GBE1: variants seen among roughly 807,000 people sequenced by gnomAD.
GBE1 encodes the protein 1,4-alpha-glucan-branching enzyme.
GBE1 carries 70 observed loss-of-function variants against 88.8 expected under a neutral mutation model. The ratio of observed to expected loss-of-function variants is 0.79; its 90% CI spans 0.65 to 0.96. The LOEUF is 0.96. GBE1 is among the 40% of genes least tolerant of loss of function. The pLI, the probability that GBE1 is intolerant of heterozygous loss-of-function variation, is 0.00. For synonymous variants in GBE1, 284 were observed against 300.1 expected, an observed-to-expected ratio of 0.95 and a Z score of 0.56; for missense variants, 872 against 871.0, an observed-to-expected ratio of 1.00 and a Z score of -0.01.
chr3:81,759,612 C>T (rs1397981157), intron 1 of GBE1, among the ~76,000 whole-genome samples: 2 of 152,218 alleles, frequency 1.3e-5, no homozygotes, highest in Admixed American at 1.3e-4. Context: ...GGCCATTACT[C>T]AGAACCAAGG....
intron 1 of GBE1, among the ~76,000 whole-genome samples, chr3:81,740,526 C>T (rs533767981): frequency 5.3e-5 from 8 of 152,082 alleles, no homozygotes; most frequent in South Asian, 2.1e-4. Context: ...TTCTCATAAA[C>T]GCAGTACGGA....
chr3:81,536,936 CTT>C lies in GBE1; in HGVS notation c.1776_1777del (p.Arg593IlefsTer13), dbSNP rs1162096868. ...CTGTGGAGCTGCAAGCCAACCATAT[CTT>C]TCTTCCAATCTATTCATATCCCTGT... On this transcript the variant is annotated frameshift_variant, in exon 13 of 16. Transcript: ENST00000429644. LOFTEE classifies it high-confidence loss of function. 26 of 1,583,868 alleles carry C rather than the reference CTT, an allele frequency of 1.6e-5. No individual in the cohort carries two copies. The highest frequency in any genetic ancestry group is 2.2e-5 in the Non-Finnish European group (26 of 1,167,360).
intron 7 of GBE1, among the ~76,000 whole-genome samples, chr3:81,637,433 G>C (rs902285250): frequency 2.0e-5 from 3 of 152,098 alleles, no homozygotes; most frequent in Admixed American, 6.6e-5. Flanking sequence ...TGAAAGGAGT[G>C]ATTTTTTTAA....
At chr3:81,571,914 C>A (rs1030314635) in intron 12 of GBE1, among the ~76,000 whole-genome samples, 1 of 152,116 alleles carries the variant, frequency 6.6e-6, no homozygotes, top group African/African-American at 2.4e-5. Flanking sequence ...TAAAAAAATT[C>A]TTAAAGTTAG....
intron 3 of GBE1, among the ~76,000 whole-genome samples, chr3:81,659,626 G>A (rs1704994596): frequency 6.6e-6 from 1 of 151,272 alleles, no homozygotes; most frequent in Admixed American, 6.6e-5. Flanking sequence ...GTGATGACAG[G>A]TATGAGCCAC....
intron 14 of GBE1, among the ~76,000 whole-genome samples, chr3:81,526,618 C>T (rs1039992645): frequency 1.3e-5 from 2 of 152,050 alleles, no homozygotes; most frequent in African/African-American, 4.8e-5. Flanking sequence ...CTCCCATTCA[C>T]AATTGCTTCA....
chr3:81,702,098 AGAGAGTGTGTGTGTGTGT>A (rs1465793849), intron 2 of GBE1, among the ~76,000 whole-genome samples: 531 of 40,786 alleles, frequency 0.013, 5 homozygotes, highest in African/African-American at 0.049. Context: ...AGAGAGAGAG[AGAGAGTGTGTGTGTGTGT>A]GTGTGTGTGT....
intron 14 of GBE1, among the ~76,000 whole-genome samples, chr3:81,519,361 A>G (rs1702842090): frequency 6.6e-6 from 1 of 151,550 alleles, no homozygotes; most frequent in South Asian, 2.1e-4. Flanking sequence ...CTAGATTCAC[A>G]TATTCTTCAC....
intron 3 of GBE1, among the ~76,000 whole-genome samples, chr3:81,670,419 T>A (rs1404183613): frequency 1.3e-5 from 2 of 152,124 alleles, no homozygotes; most frequent in Non-Finnish European, 2.9e-5. Flanking sequence ...CCAAAATGCA[T>A]GCGCGTCCAA....
chr3:81,598,526 A>C (rs1703988716), intron 7 of GBE1, among the ~76,000 whole-genome samples: 1 of 152,002 alleles, frequency 6.6e-6, no homozygotes, highest in Non-Finnish European at 1.5e-5. Context: ...TAAAAGAATT[A>C]ATCAATTTTA....
intron 11 of GBE1, among the ~76,000 whole-genome samples, chr3:81,578,547 TATA>T (rs1300527131): frequency 1.1e-4 from 16 of 151,416 alleles, no homozygotes; most frequent in African/African-American, 3.6e-4. Flanking sequence ...ATATGAGTAA[TATA>T]ATATGTGTAT....
Position 81,626,904 on chromosome 3 carries a change from T to C in GBE1, c.992+15877A>G, listed in dbSNP as rs1704425652. Among the ~76,000 whole-genome samples, 2 of 152,188 alleles carry C rather than the reference T, an allele frequency of 1.3e-5. 1 individual carries two copies. The highest frequency in any genetic ancestry group is 2.9e-5 in the Non-Finnish European group (2 of 68,026). On this transcript the variant is annotated intron_variant, in intron 7 of 15. Transcript: ENST00000429644. ...TTCTAAAGAAATGTGCTGAATTTGA[T>C]TTAATTTGGGGTTTTCCAAGTGCAT...
chr3:81,663,240 C>T (rs972132770), intron 3 of GBE1, among the ~76,000 whole-genome samples: 1 of 152,130 alleles, frequency 6.6e-6, no homozygotes, highest in Non-Finnish European at 1.5e-5. Flanking sequence ...CACCCTGGCC[C>T]GCCAGGAACC....
intron 1 of GBE1, among the ~76,000 whole-genome samples, chr3:81,727,504 G>T (rs952925620): frequency 6.6e-6 from 1 of 152,178 alleles, no homozygotes; most frequent in Non-Finnish European, 1.5e-5. Flanking sequence ...AGGCACAAGT[G>T]CAGATTCTTA....
rs763936251 is a variant in GBE1 at position 81,670,966 on chromosome 3, A to T, written c.314-13T>A. On this transcript the variant is annotated splice_polypyrimidine_tract_variant and intron_variant, in intron 2 of 15. Coordinates refer to ENST00000429644, the MANE Select transcript of GBE1 (RefSeq NM_000158.4). Reference sequence around the variant, plus strand: ...GGATTCCAACCATCTAAAAAAATGAAGAAGATCAGTTAACAACAGCATGAT... The same window carrying T: ...GGATTCCAACCATCTAAAAAAATGATGAAGATCAGTTAACAACAGCATGAT... 2 of 1,377,282 alleles carry T rather than the reference A, an allele frequency of 1.5e-6. No homozygotes were observed. Among genetic ancestry groups the T allele is most frequent in the Non-Finnish European group, 2.0e-6 (2 of 1,000,822 alleles). 85.3% of individuals were successfully genotyped at this position (1,377,282 alleles called of 1,614,324 possible).
intron 7 of GBE1, among the ~76,000 whole-genome samples, chr3:81,594,371 A>G (rs1703925410): frequency 6.6e-6 from 1 of 152,112 alleles, no homozygotes. Flanking sequence ...TAGTGCTCGA[A>G]AAAAGCAAAG....
In GBE1 at chr3:81,551,189, C is replaced by T. The variant is rs73125193; in HGVS notation, c.1619-14094G>A. Among the ~76,000 whole-genome samples the T allele has an allele frequency of 7.6e-3, 1,156 of 152,322 alleles. 6 individuals are homozygous for T. Among genetic ancestry groups the T allele is most frequent in the Non-Finnish European group, 9.9e-3 (675 of 68,030 alleles). On this transcript the variant is annotated intron_variant, in intron 12 of 15. Coordinates refer to ENST00000429644, the MANE Select transcript of GBE1 (RefSeq NM_000158.4). The stretch of plus-strand genomic sequence containing the variant: ...ACAGAAGAATACAACTTTAGAACTA[C>T]TTAAGTGTATCTGTGCATCAGATAA...
At chr3:81,614,520 G>T (rs1340941965) in intron 7 of GBE1, among the ~76,000 whole-genome samples, 1 of 152,038 alleles carries the variant, frequency 6.6e-6, no homozygotes, top group Non-Finnish European at 1.5e-5. Context: ...GGGCTGGGGT[G>T]GGGAGTATTG....
chr3:81,720,991 A>G (rs2107189708), intron 1 of GBE1, among the ~76,000 whole-genome samples: 1 of 103,954 alleles, frequency 9.6e-6, no homozygotes, highest in South Asian at 3.5e-4. Flanking sequence ...CATAGGTGGG[A>G]ATTGAACAAT....
Sources: gnomAD v4.1 joint callset for allele counts (sites outside exome capture counted in the v4.1 genomes callset) on GRCh38, gnomAD v4.1.1 for gene constraint, MANE v1.5 for transcripts, NCBI Gene and HGNC (gene_info 2026-07-23, HGNC 2026-07-21) for gene names.